The following AP1B1 variants were observed in gnomAD, a reference collection of about 807,000 sequenced individuals.
AP1B1 encodes the protein AP-1 complex subunit beta-1.
In AP1B1, 36 loss-of-function variants were observed where a neutral mutation model predicts 104.3. That is an observed-to-expected ratio of 0.35 (90% CI 0.26 to 0.46). The LOEUF is 0.46. Ranked by LOEUF, AP1B1 falls within the 20% of genes least tolerant of loss-of-function variation. The pLI is 1.00. For synonymous variants in AP1B1, 504 were observed against 517.5 expected, an observed-to-expected ratio of 0.97 and a Z score of 0.35; for missense variants, 901 against 1,247.9, an observed-to-expected ratio of 0.72 and a Z score of 4.19.
Position 29,341,753 on chromosome 22 carries a change from T to C in AP1B1, c.1544A>G (p.Asp515Gly), listed in dbSNP as rs2061718666. Residue 515 changes from aspartate to glycine, a missense_variant, in exon 13 of 23, where the codon GAT becomes GGT. Coordinates refer to ENST00000357586, the MANE Select transcript of AP1B1 (RefSeq NM_001127.4). ...QVLSLATQDS[D>G]NPDLRDRGYI... ...GCCACGGTCCCGCAGGTCTGGGTTA[T>C]CTGAGTCCTTGTGGGGGTGAGGAGA... 6.2e-7 allele frequency: 1 copy of C among 1,606,348 alleles called. No homozygotes were observed. The highest frequency in any genetic ancestry group is 8.5e-7 in the Non-Finnish European group (1 of 1,173,860).
At chr22:29,387,949 G>A (rs1320150077) in intron 1 of AP1B1, among the ~76,000 whole-genome samples, 2 of 152,192 alleles carry the variant, frequency 1.3e-5, no homozygotes, top group Non-Finnish European at 2.9e-5. Context: ...ACTTGTCTTA[G>A]AGGCTCCAAC....
intron 8 of AP1B1, 125 bp downstream of exon 8, chr22:29,351,580 C>A: frequency 1.5e-6 from 2 of 1,325,714 alleles, no homozygotes; most frequent in Non-Finnish European, 2.1e-6. Flanking sequence ...ATGTCCCATG[C>A]TAAACACTCT....
At chr22:29,329,565 C>G in intron 22 of AP1B1, 147 bp downstream of exon 22, 1 of 1,511,066 alleles carries the variant, frequency 6.6e-7, no homozygotes, top group Non-Finnish European at 8.9e-7. Flanking sequence ...GGTGTCAGCA[C>G]CTCAATCAGG....
intron 7 of AP1B1, among the ~76,000 whole-genome samples, chr22:29,352,910 C>T (rs1213183942): frequency 6.6e-6 from 1 of 152,176 alleles, no homozygotes; most frequent in African/African-American, 2.4e-5. Context: ...CCAGCATGAT[C>T]GATGCCTGCC....
At chr22:29,368,734 G>T (rs1053675461) in intron 1 of AP1B1, among the ~76,000 whole-genome samples, 1 of 149,572 alleles carries the variant, frequency 6.7e-6, no homozygotes, top group African/African-American at 2.5e-5. Context: ...ACAGTTCCCT[G>T]ATAGTGGCTA....
intron 22 of AP1B1, chr22:29,329,180 G>A (rs943116009): frequency 7.9e-7 from 1 of 1,271,656 alleles, no homozygotes; most frequent in Non-Finnish European, 1.0e-6. Context: ...CTGCCAGGGA[G>A]TGCCCGGCCC....
At chr22:29,356,755 C>T (rs543625946) in intron 5 of AP1B1, 139 bp from the exon 6 acceptor site, 40 of 771,124 alleles carry the variant, frequency 5.2e-5, no homozygotes, top group East Asian at 1.1e-4. Context: ...GGAGCTGCAA[C>T]GAGACCCACT....
chr22:29,350,423 A>G (rs1000576924), intron 9 of AP1B1, among the ~76,000 whole-genome samples: 8 of 152,208 alleles, frequency 5.3e-5, no homozygotes, highest in Non-Finnish European at 1.2e-4. Flanking sequence ...CCTCTAAGTC[A>G]GGACCTGAGG....
At chr22:29,356,684 T>C (rs1040963077) in intron 5 of AP1B1, 68 bp from the exon 6 acceptor site, 2 of 1,442,290 alleles carry the variant, frequency 1.4e-6, no homozygotes, top group African/African-American at 1.4e-5. Flanking sequence ...AGTGCATTAA[T>C]GATGCTGGCT....
At chr22:29,367,795 A>G (rs959206499) in intron 1 of AP1B1, among the ~76,000 whole-genome samples, 8 of 152,202 alleles carry the variant, frequency 5.3e-5, no homozygotes, top group South Asian at 2.1e-4. Context: ...ACAGTCAAAT[A>G]AGATTAGAAA....
intron 1 of AP1B1, among the ~76,000 whole-genome samples, chr22:29,387,511 T>G (rs2062547717): frequency 6.6e-6 from 1 of 151,864 alleles, no homozygotes; most frequent in Admixed American, 6.6e-5. Context: ...TTTCACCATG[T>G]TGGTCAGGCT....
chr22:29,379,850 C>T (rs556206698), intron 1 of AP1B1, among the ~76,000 whole-genome samples: 2 of 152,304 alleles, frequency 1.3e-5, no homozygotes, highest in East Asian at 3.9e-4. Context: ...AGCTGGGGAA[C>T]GGCTTCTTGC....
chr22:29,371,523 AGATC>A lies in AP1B1; in HGVS notation c.-27-4257_-27-4254del, dbSNP rs550436896. 1.6e-3 allele frequency among the ~76,000 whole-genome samples: 249 copies of A among 152,304 alleles called. 11 individuals are homozygous for A. In the South Asian group the frequency reaches 0.051, roughly 31 times the overall value. On this transcript the variant is annotated intron_variant, in intron 1 of 22. Coordinates refer to ENST00000357586, the MANE Select transcript of AP1B1 (RefSeq NM_001127.4). Reference sequence around the variant, plus strand: ...GAGGTGGGCAGATCACGAGGTCAGGAGATCGAGACCATCCTGGCTAACATGGTGA... The same window carrying A: ...GAGGTGGGCAGATCACGAGGTCAGGAGAGACCATCCTGGCTAACATGGTGA...
intron 9 of AP1B1, 149 bp downstream of exon 9, chr22:29,351,022 G>T: frequency 2.7e-6 from 2 of 745,988 alleles, no homozygotes; most frequent in Non-Finnish European, 4.5e-6. Flanking sequence ...CACCAGATCT[G>T]CACAATGCTT....
At chr22:29,332,236 C>A in intron 17 of AP1B1, 1 of 263,220 alleles carries the variant, frequency 3.8e-6, no homozygotes, top group Non-Finnish European at 7.2e-6. Flanking sequence ...CCCTGTCCTG[C>A]CCTCAAGGAG....
chr22:29,338,386 A>G (rs1216837015), intron 16 of AP1B1, among the ~76,000 whole-genome samples: 1 of 152,242 alleles, frequency 6.6e-6, no homozygotes, highest in Admixed American at 6.5e-5. Context: ...TGGTTGCCAC[A>G]GTCACAGTGA....
intron 19 of AP1B1, 137 bp from the exon 20 acceptor site, chr22:29,330,846 C>T: frequency 1.4e-6 from 1 of 720,588 alleles, no homozygotes; most frequent in Non-Finnish European, 2.3e-6. Flanking sequence ...CCGCACAGCC[C>T]TCCTGCTTCC....
At chr22:29,334,765 C>T (rs1033042342) in intron 16 of AP1B1, among the ~76,000 whole-genome samples, 10 of 150,414 alleles carry the variant, frequency 6.6e-5, no homozygotes, top group Admixed American at 1.3e-4. Context: ...GGAAGTAGGG[C>T]TGAGGGATGC....
intron 6 of AP1B1, 24 bp from the exon 7 acceptor site, chr22:29,354,895 G>A (rs963743927): frequency 2.5e-6 from 4 of 1,595,256 alleles, no homozygotes; most frequent in Non-Finnish European, 3.4e-6. Flanking sequence ...ATTCCAACGG[G>A]GCAAACAGGA....
Sources: gnomAD v4.1 joint callset for allele counts (sites outside exome capture counted in the v4.1 genomes callset) on GRCh38, gnomAD v4.1.1 for gene constraint, MANE v1.5 for transcripts, NCBI Gene and HGNC (gene_info 2026-07-23, HGNC 2026-07-21) for gene names.